The following NRG3 variants were observed in gnomAD, a reference collection of about 807,000 sequenced individuals.
NRG3 encodes the protein neuregulin 3.
NRG3 carries 31 observed loss-of-function variants against 66.9 expected under a neutral mutation model. The observed-to-expected ratio is 0.46, with a 90% confidence interval of 0.35 to 0.63. The LOEUF (loss-of-function observed/expected upper bound fraction) is 0.63. NRG3 is among the 20% of genes least tolerant of loss of function. NRG3 has a pLI of 0.00. For missense variants in NRG3, 910 were observed against 878.9 expected, an observed-to-expected ratio of 1.04 and a Z score of -0.45; for synonymous variants, 393 against 359.4, an observed-to-expected ratio of 1.09 and a Z score of -1.06.
chr10:82,319,647 G>A (rs74765234), intron 1 of NRG3, among the ~76,000 whole-genome samples: 4 of 152,188 alleles, frequency 2.6e-5, no homozygotes, highest in Non-Finnish European at 4.4e-5. Context: ...GGGAGCATAA[G>A]TTGGGGTTTG....
intron 1 of NRG3, among the ~76,000 whole-genome samples, chr10:82,293,451 G>C (rs888985272): frequency 1.3e-5 from 2 of 152,160 alleles, no homozygotes; most frequent in African/African-American, 4.8e-5. Flanking sequence ...TGTGTTTACA[G>C]AATCACACTT....
intron 1 of NRG3, among the ~76,000 whole-genome samples, chr10:81,975,538 G>A (rs1221407892): frequency 1.3e-5 from 2 of 152,050 alleles, no homozygotes; most frequent in Non-Finnish European, 2.9e-5. Context: ...AAAGTGAGAT[G>A]GGGAAAAGGG....
intron 1 of NRG3, among the ~76,000 whole-genome samples, chr10:82,006,115 ATCAG>A (rs975267204): frequency 3.3e-5 from 5 of 152,120 alleles, no homozygotes; most frequent in East Asian, 3.9e-4. Context: ...ACATTCTAAA[ATCAG>A]TCAGATTATT....
chr10:81,919,949 G>A (rs778014577), intron 1 of NRG3, among the ~76,000 whole-genome samples: 9 of 152,062 alleles, frequency 5.9e-5, no homozygotes, highest in South Asian at 2.1e-4. Flanking sequence ...GTTCTTCCCC[G>A]CTACTGCTAG....
chr10:82,316,332 A>G (rs2081294605), intron 1 of NRG3, among the ~76,000 whole-genome samples: 1 of 152,322 alleles, frequency 6.6e-6, no homozygotes, highest in Non-Finnish European at 1.5e-5. Context: ...ATTAACAATC[A>G]TAAATTAAGT....
At chr10:81,916,748 C>A (rs1419147180) in intron 1 of NRG3, among the ~76,000 whole-genome samples, 1 of 152,182 alleles carries the variant, frequency 6.6e-6, no homozygotes, top group Non-Finnish European at 1.5e-5. Context: ...TGAGGCACAT[C>A]TTTTCTTGGG....
At chr10:81,991,776 T>C (rs1384074441) in intron 1 of NRG3, among the ~76,000 whole-genome samples, 2 of 152,188 alleles carry the variant, frequency 1.3e-5, no homozygotes, top group Non-Finnish European at 2.9e-5. Context: ...TAATTCAGTA[T>C]ACATTTTGCT....
chr10:82,568,760 A>C (rs190653239), intron 2 of NRG3, among the ~76,000 whole-genome samples: 1 of 151,946 alleles, frequency 6.6e-6, no homozygotes, highest in Non-Finnish European at 1.5e-5. Flanking sequence ...ACCTCCTTAT[A>C]ACACGGAAAC....
intron 1 of NRG3, among the ~76,000 whole-genome samples, chr10:82,000,778 C>A (rs981318130): frequency 2.1e-4 from 32 of 152,132 alleles, no homozygotes; most frequent in African/African-American, 7.2e-4. Context: ...TAATAGGCAG[C>A]TTGAAAGAAA....
intron 2 of NRG3, among the ~76,000 whole-genome samples, chr10:82,595,539 A>G (rs1471859289): frequency 6.6e-6 from 1 of 152,160 alleles, no homozygotes; most frequent in African/African-American, 2.4e-5. Flanking sequence ...TAATCCCAGC[A>G]CTTTGGGAGG....
intron 1 of NRG3, among the ~76,000 whole-genome samples, chr10:81,936,787 G>C (rs992371727): frequency 6.6e-6 from 1 of 152,060 alleles, no homozygotes; most frequent in African/African-American, 2.4e-5. Context: ...GGCAGCATGA[G>C]GGTAGGGTCC....
At chr10:82,967,126 G>A (rs1333277183) in intron 6 of NRG3, among the ~76,000 whole-genome samples, 33 of 149,080 alleles carry the variant, frequency 2.2e-4, no homozygotes, top group Admixed American at 2.2e-3. Flanking sequence ...TCAACAGACA[G>A]ATCAAAGATT....
At chr10:82,550,004 A>G (rs555908307) in intron 2 of NRG3, among the ~76,000 whole-genome samples, 21 of 152,256 alleles carry the variant, frequency 1.4e-4, no homozygotes, top group African/African-American at 4.8e-4. Context: ...GTGTTGCTGG[A>G]GGCAGCAAAA....
intron 1 of NRG3, among the ~76,000 whole-genome samples, chr10:82,171,139 A>G (rs2072570818): frequency 6.6e-6 from 1 of 151,884 alleles, no homozygotes; most frequent in Non-Finnish European, 1.5e-5. Flanking sequence ...CAATTCAATC[A>G]ATGTATTTGG....
chr10:82,769,612 T>G (rs1281030524), intron 3 of NRG3, among the ~76,000 whole-genome samples: 1 of 152,104 alleles, frequency 6.6e-6, no homozygotes, highest in Non-Finnish European at 1.5e-5. Context: ...CAAATAACTA[T>G]TCTGCACAGT....
chr10:82,294,362 A>T (rs1477971420), intron 1 of NRG3, among the ~76,000 whole-genome samples: 3 of 152,180 alleles, frequency 2.0e-5, no homozygotes, highest in Non-Finnish European at 4.4e-5. Flanking sequence ...CATTTCTAAG[A>T]TGCCTAGGAT....
chr10:82,977,712 A>G (rs569990685), intron 7 of NRG3, among the ~76,000 whole-genome samples: 6 of 152,274 alleles, frequency 3.9e-5, no homozygotes, highest in African/African-American at 1.4e-4. Context: ...TGAGGAATAT[A>G]AAGTTTGATC....
intron 2 of NRG3, among the ~76,000 whole-genome samples, chr10:82,391,468 T>A (rs1012824568): frequency 7.2e-5 from 11 of 152,186 alleles, no homozygotes; most frequent in Middle Eastern, 3.2e-3. Flanking sequence ...ACATTTCCTA[T>A]CCTCTGTTGC....
intron 1 of NRG3, among the ~76,000 whole-genome samples, chr10:82,123,075 A>C (rs2068199198): frequency 6.6e-6 from 1 of 152,062 alleles, no homozygotes; most frequent in African/African-American, 2.4e-5. Context: ...CTATCTTTAA[A>C]TCTTGGCACC....
Sources: allele counts gnomAD v4.1 joint callset (sites outside exome capture counted in the v4.1 genomes callset), GRCh38; gene constraint gnomAD v4.1.1; transcripts MANE v1.5; gene names NCBI Gene and HGNC (gene_info 2026-07-23, HGNC 2026-07-21).